The following ATP11C variants were observed in gnomAD, a reference collection of about 807,000 sequenced individuals.
The protein encoded by ATP11C is phospholipid-transporting ATPase IG.
In ATP11C, 36 loss-of-function variants were observed where a neutral mutation model predicts 97.4. That is an observed-to-expected ratio of 0.37 (90% CI 0.28 to 0.49). The LOEUF (loss-of-function observed/expected upper bound fraction) is 0.49, where lower values mean the gene tolerates loss of function less well. Ranked by LOEUF, ATP11C falls within the 20% of genes least tolerant of loss-of-function variation. The probability of loss-of-function intolerance (pLI) is 0.98; values close to 1 mark genes in which losing one functional copy is unlikely to be tolerated. For missense variants in ATP11C, 730 were observed against 824.6 expected, an observed-to-expected ratio of 0.89 and a Z score of 1.40; for synonymous variants, 275 against 290.9, an observed-to-expected ratio of 0.95 and a Z score of 0.56.
intron 19 of ATP11C, among the ~76,000 whole-genome samples, chrX:139,771,161 C>T (rs2082246505): frequency 9.0e-6 from 1 of 111,065 alleles, no homozygotes; most frequent in Non-Finnish European, 1.9e-5. Context: ...TCATAGGGGC[C>T]GGTCTTTCCT....
intron 1 of ATP11C, among the ~76,000 whole-genome samples, chrX:139,914,624 T>C (rs2085126882): frequency 1.8e-5 from 2 of 111,954 alleles, no homozygotes; most frequent in Admixed American, 1.9e-4. Context: ...GTGGGCCTCA[T>C]CAAATCAGTG....
At chrX:139,796,543 T>C (rs1374662729) in intron 11 of ATP11C, 73 bp from the exon 12 acceptor site, 101 of 690,879 alleles carry the variant, frequency 1.5e-4, no homozygotes, top group Non-Finnish European at 2.1e-6. Context: ...AAAGGAAGAA[T>C]TAATTTCATC....
rs754814053 is a variant in ATP11C, at chrX:139,788,318, G to A, written c.1394C>T (p.Ala465Val). 3.3e-6 allele frequency: 4 copies of A among 1,205,159 alleles called. No homozygotes were observed. The Admixed American group carries it at 8.8e-5, about 27-fold the overall frequency. ...TTCTACAGTATGACATAAACACAAGGCACGTAGAAACAGCTCTTCTCGATT... is the reference window on the plus strand; with the variant it reads ...TTCTACAGTATGACATAAACACAAGACACGTAGAAACAGCTCTTCTCGATT... Reference protein sequence around the residue: ...DKNREELFLRALCLCHTVEIK... With the variant: ...DKNREELFLRVLCLCHTVEIK... Residue 465 changes from alanine to valine, a missense_variant, in exon 14 of 30, where the codon GCC becomes GTC. Physicochemically the swap from Ala to Val is moderately conservative, Grantham distance 64. Transcript: ENST00000682941.
intron 18 of ATP11C, among the ~76,000 whole-genome samples, chrX:139,781,947 T>A (rs2082468442): frequency 9.0e-6 from 1 of 110,982 alleles, no homozygotes; most frequent in African/African-American, 3.3e-5. Context: ...AATATGTGCA[T>A]AAATATATGG....
At chrX:139,877,913 C>T (rs1006636786) in intron 1 of ATP11C, among the ~76,000 whole-genome samples, 1 of 111,128 alleles carries the variant, frequency 9.0e-6, no homozygotes, top group Non-Finnish European at 1.9e-5. Context: ...ATCCCAGCTA[C>T]TTGGAAGGCT....
intron 2 of ATP11C, among the ~76,000 whole-genome samples, chrX:139,821,282 GGGA>G (rs1411608386): frequency 8.9e-6 from 1 of 111,862 alleles, no homozygotes; most frequent in African/African-American, 3.3e-5. Context: ...TGCATCACTT[GGGA>G]GAAGAAGGTC....
chrX:139,878,665 G>A (rs1241176766), intron 1 of ATP11C, among the ~76,000 whole-genome samples: 1 of 111,417 alleles, frequency 9.0e-6, no homozygotes, highest in Non-Finnish European at 1.9e-5. Context: ...GGAAGAATTC[G>A]TTCTACCCCA....
In ATP11C at chrX:139,796,234, T is replaced by C. The variant is rs762708525; in HGVS notation, c.1206+39A>G. Reference sequence around the variant, plus strand: ...AGACTACACAAAAAGATATTTTCACTACGTTGACAAATTATTTTAAGTAAA... The same window carrying C: ...AGACTACACAAAAAGATATTTTCACCACGTTGACAAATTATTTTAAGTAAA... On this transcript the variant is annotated intron_variant, in intron 12 of 29. Transcript: ENST00000682941. 5 of 1,017,735 alleles carry C rather than the reference T, an allele frequency of 4.9e-6. No homozygotes were observed. In the South Asian group the frequency reaches 1.3e-4, roughly 26 times the overall value. 83.9% of individuals were successfully genotyped at this position (1,017,735 alleles called of 1,213,427 possible).
chrX:139,889,097 C>T (rs972448156), intron 1 of ATP11C, among the ~76,000 whole-genome samples: 3 of 111,958 alleles, frequency 2.7e-5, no homozygotes, highest in African/African-American at 9.7e-5. Context: ...TGTGAGCCAC[C>T]ATGCCTGGCC....
At chrX:139,824,175 T>C (rs2083473892) in intron 2 of ATP11C, among the ~76,000 whole-genome samples, 1 of 108,076 alleles carries the variant, frequency 9.3e-6, no homozygotes, top group African/African-American at 3.4e-5. Context: ...CCTTTAAAAT[T>C]TTTAAAGGAA....
chrX:139,877,856 T>A (rs1234551133), intron 1 of ATP11C, among the ~76,000 whole-genome samples: 4 of 111,462 alleles, frequency 3.6e-5, no homozygotes, highest in Non-Finnish European at 7.5e-5. Flanking sequence ...ACCCCGTCTC[T>A]ACCAAAAACT....
intron 1 of ATP11C, among the ~76,000 whole-genome samples, chrX:139,897,708 T>C (rs1010438365): frequency 5.9e-4 from 64 of 109,336 alleles, no homozygotes; most frequent in African/African-American, 2.1e-3. Flanking sequence ...GTGAATTGTT[T>C]ACTTTCTGTG....
chrX:139,891,493 G>A (rs1460060013), intron 1 of ATP11C, among the ~76,000 whole-genome samples: 5 of 111,631 alleles, frequency 4.5e-5, no homozygotes, highest in African/African-American at 9.8e-5. Context: ...TCATTCTCCC[G>A]CCCAATGTAT....
intron 1 of ATP11C, among the ~76,000 whole-genome samples, chrX:139,917,197 C>G (rs184306377): frequency 9.0e-6 from 1 of 111,599 alleles, no homozygotes; most frequent in East Asian, 2.8e-4. Context: ...GACTTATAAA[C>G]TATCAATTAA....
chrX:139,755,959 A>C (rs1315661981), intron 23 of ATP11C, among the ~76,000 whole-genome samples: 1 of 112,610 alleles, frequency 8.9e-6, no homozygotes, highest in South Asian at 3.6e-4. Context: ...TAGCAACAAA[A>C]ACAAAAACTG....
chrX:139,874,673 T>C (rs911879661), intron 1 of ATP11C, among the ~76,000 whole-genome samples: 4 of 109,429 alleles, frequency 3.7e-5, no homozygotes, highest in Non-Finnish European at 7.5e-5. Flanking sequence ...TGCAGGAGCA[T>C]CCCCAGGGAA....
chrX:139,901,970 T>C (rs760335951), intron 1 of ATP11C, among the ~76,000 whole-genome samples: 1 of 110,142 alleles, frequency 9.1e-6, no homozygotes, highest in African/African-American at 3.3e-5. Flanking sequence ...AAGATGCCAG[T>C]ATGAAAGAAA....
intron 1 of ATP11C, among the ~76,000 whole-genome samples, chrX:139,827,556 T>C (rs1241053622): frequency 9.0e-6 from 1 of 111,384 alleles, no homozygotes; most frequent in Non-Finnish European, 1.9e-5. Context: ...CTCACTCTCT[T>C]CACTTTAATC....
intron 23 of ATP11C, among the ~76,000 whole-genome samples, chrX:139,755,778 G>A: frequency 8.9e-6 from 1 of 112,111 alleles, no homozygotes; most frequent in Admixed American, 9.4e-5. Context: ...GCCACATGCA[G>A]AAGATTGAAA....
Sources: gnomAD v4.1 joint callset for allele counts (sites outside exome capture counted in the v4.1 genomes callset) on GRCh38, gnomAD v4.1.1 for gene constraint, MANE v1.5 for transcripts, NCBI Gene and HGNC (gene_info 2026-07-23, HGNC 2026-07-21) for gene names.